Variants in GRM4 observed in about 807,000 individuals in gnomAD.
The protein encoded by GRM4 is metabotropic glutamate receptor 4.
GRM4 carries 28 observed loss-of-function variants against 81.7 expected under a neutral mutation model. The observed-to-expected ratio is 0.34, with a 90% confidence interval of 0.25 to 0.47. GRM4 has a LOEUF of 0.47. GRM4 is among the 20% of genes least tolerant of loss of function. The pLI is 1.00. For missense variants in GRM4, 948 were observed against 1,290.0 expected (o/e 0.73, Z 4.06); for synonymous variants, 488 against 528.8 (o/e 0.92, Z 1.06).
intron 3 of GRM4, among the ~76,000 whole-genome samples, chr6:34,067,303 TC>T (rs970993841): frequency 5.3e-5 from 8 of 152,108 alleles, no homozygotes; most frequent in Non-Finnish European, 8.8e-5. Context: ...CCGCTGCACT[TC>T]CCAAGGTCAG....
chr6:34,114,126 C>T lies in GRM4; in HGVS notation c.519+18852G>A, dbSNP rs1443992572. 6.6e-6 allele frequency among the ~76,000 whole-genome samples: 1 copy of T among 152,192 alleles called. No homozygotes were observed. The highest frequency in any genetic ancestry group is 1.5e-5 in the Non-Finnish European group (1 of 68,034). On this transcript the variant is annotated intron_variant, in intron 2 of 10. Transcript: ENST00000538487. The surrounding 1 kb of genome is among the most constrained non-coding windows in gnomAD (Gnocchi z 4.3). ...GTGTACAAGAGCCCTTCCCCTCCTT[C>T]ACAACTCTCTAGCCCCTGGCCCTGG...
intron 2 of GRM4, among the ~76,000 whole-genome samples, chr6:34,094,045 A>C (rs943021832): frequency 2.0e-5 from 3 of 152,216 alleles, no homozygotes; most frequent in Non-Finnish European, 4.4e-5. Context: ...CAGCCAGATG[A>C]GGAATATTAC....
At position 34,040,606 on chromosome 6, in the gene GRM4, G is replaced by A. The variant is rs767129957; in HGVS notation, c.1311C>T (p.Arg437=). 2 of 1,614,126 alleles carry A rather than the reference G, an allele frequency of 1.2e-6. No individual in the cohort carries two copies. The highest frequency in any genetic ancestry group is 1.7e-6 in the Non-Finnish European group (2 of 1,179,980). ...LCPGRVGLCP[R]MDPVDGTQLL... is the part of the protein sequence containing the mutation. ...GCTGGGTGCCATCTACAGGGTCCAT[G>A]CGCGGGCAGAGCCCCACGCGGCCGG... Residue 437 remains arginine (R), a synonymous_variant, in exon 7 of 11, where the codon CGC becomes CGT. Coordinates refer to ENST00000538487, the MANE Select transcript of GRM4 (RefSeq NM_000841.4).
At chr6:34,110,665 A>G (rs979936207) in intron 2 of GRM4, 3 of 1,448,582 alleles carry the variant, frequency 2.1e-6, no homozygotes, top group African/African-American at 2.8e-5. Flanking sequence ...CCCACCTTAC[A>G]TGACATGTCT....
intron 10 of GRM4, chr6:34,024,688 G>C (rs1764046126): frequency 2.2e-6 from 1 of 455,932 alleles, no homozygotes; most frequent in Non-Finnish European, 4.4e-6. Flanking sequence ...GCCAGAGTTG[G>C]GTGGAGTCAG....
At chr6:34,116,839 T>C (rs992830059) in intron 2 of GRM4, among the ~76,000 whole-genome samples, 6 of 151,996 alleles carry the variant, frequency 3.9e-5, no homozygotes, top group South Asian at 2.1e-4. Flanking sequence ...TACAGAGCAA[T>C]AGAAGTGAGC....
exon 1 of GRM4, chr6:34,155,129 G>A (rs1771123696): frequency 1.2e-5 from 18 of 1,534,018 alleles, no homozygotes; most frequent in African/African-American, 1.4e-5. Context: ...TCTATTTCAG[G>A]GCTGCTTCCC....
At chr6:34,061,858 C>A in intron 4 of GRM4, 35 bp downstream of exon 4, 6 of 1,594,940 alleles carry the variant, frequency 3.8e-6, no homozygotes, top group Non-Finnish European at 4.3e-6. Context: ...ACCTGCATGG[C>A]TCCCGGTGCC....
intron 2 of GRM4, among the ~76,000 whole-genome samples, chr6:34,105,515 C>A (rs147765886): frequency 1.3e-5 from 2 of 152,274 alleles, no homozygotes; most frequent in Non-Finnish European, 2.9e-5. Flanking sequence ...CCCCTCCTTC[C>A]TCTCAGCTTC....
chr6:34,088,357 C>T (rs988111827), intron 3 of GRM4, among the ~76,000 whole-genome samples: 3 of 152,134 alleles, frequency 2.0e-5, no homozygotes, highest in Non-Finnish European at 4.4e-5. Context: ...CTCCTGACCT[C>T]GTGATCCGCC....
At chr6:34,023,506 C>T (rs981286884) in intron 10 of GRM4, among the ~76,000 whole-genome samples, 1 of 152,068 alleles carries the variant, frequency 6.6e-6, no homozygotes, top group African/African-American at 2.4e-5. Context: ...CAGCCCTCCG[C>T]CCTACACCCA....
chr6:34,108,213 T>G (rs1181332730), intron 2 of GRM4, among the ~76,000 whole-genome samples: 2 of 152,242 alleles, frequency 1.3e-5, no homozygotes, highest in Non-Finnish European at 2.9e-5. Context: ...ACTCACCGCA[T>G]GACCTCAAAC....
intron 1 of GRM4, among the ~76,000 whole-genome samples, chr6:34,153,387 C>T (rs564232055): frequency 6.6e-6 from 1 of 152,244 alleles, no homozygotes; most frequent in Non-Finnish European, 1.5e-5. Flanking sequence ...CCCCACACTC[C>T]GGGCATCTCC....
rs1395792355 is a variant in GRM4, at chr6:34,069,074, CA to C, written c.737-7047del. On this transcript the variant is annotated intron_variant, in intron 3 of 10. Transcript: ENST00000538487. This position sits in a 1 kb window ranked among gnomAD's most constrained non-coding sequence, Gnocchi z 6.4. The stretch of plus-strand genomic sequence containing the variant: ...GGGGGTGGGGAGTTACACACAGGGA[CA>C]GGGGCAGGAGAGCAGGTCCCCCCGG... Among the ~76,000 whole-genome samples, 49 of 151,908 alleles carry C rather than the reference CA, an allele frequency of 3.2e-4. 1 individual carries two copies. Among genetic ancestry groups the C allele is most frequent in the African/African-American group, 1.1e-3 (47 of 41,430 alleles).
At chr6:34,030,459 C>T (rs1022755740) in intron 9 of GRM4, among the ~76,000 whole-genome samples, 18 of 152,318 alleles carry the variant, frequency 1.2e-4, no homozygotes, top group African/African-American at 4.1e-4. Flanking sequence ...GGCAGAGGAA[C>T]CCTTGCAGTG....
chr6:34,086,010 G>C (rs139032373), intron 3 of GRM4, among the ~76,000 whole-genome samples: 2,763 of 152,322 alleles, frequency 0.018, 34 homozygotes, highest in Non-Finnish European at 0.029. Context: ...GGAGCTGCAA[G>C]ATAGCTGCTG....
chr6:34,102,195 C>T (rs1207046537), intron 2 of GRM4: 1 of 1,520,408 alleles, frequency 6.6e-7, no homozygotes, highest in East Asian at 2.5e-5. Context: ...TCCCCACTTC[C>T]TGCAAAATTC....
chr6:34,035,669 T>G lies in GRM4; in HGVS notation c.2441A>C (p.Lys814Thr). The G allele has an allele frequency of 9.6e-5, 90 of 936,176 alleles. No individual in the cohort carries two copies. Among genetic ancestry groups the G allele is most frequent in the Middle Eastern group, 2.5e-4 (1 of 3,946 alleles). The allele number at this position is 936,176 out of a possible 1,614,324, so 58.0% of individuals were successfully genotyped here. ...IFFGTSQSAD[K>T]LYIQTTTLTV... ...CCACCCCCGGCCCCCACCACTCACC[T>G]TGTCGGCCGACTGCGAGGTGCCAAA... The change falls in exon 9 of 11, where the codon AAG (lysine) becomes ACG (threonine). Residue 814 changes from lysine (K) to threonine (T), a missense_variant and splice_region_variant. Lys to Thr is a moderately conservative substitution (Grantham distance 78, BLOSUM62 -1). Transcript: ENST00000538487. This position sits in a 1 kb window ranked among gnomAD's most constrained non-coding sequence, Gnocchi z 6.6.
Position 34,101,893 on chromosome 6 carries a change from G to C in GRM4, c.520-9794C>G. ...ATTAGGATCACCAACCCCACACGAG[G>C]CTGCCAGAGAGTGATCTCGTGGCCC... On this transcript the variant is annotated intron_variant, in intron 2 of 10. Coordinates refer to ENST00000538487, the MANE Select transcript of GRM4 (RefSeq NM_000841.4). The C allele has an allele frequency of 5.3e-6, 4 of 749,274 alleles. No homozygotes were observed. In the South Asian group the frequency reaches 7.5e-5, roughly 14 times the overall value. The allele number at this position is 749,274 out of a possible 1,614,324, so 46.4% of individuals were successfully genotyped here. A position where few individuals can be genotyped will look rare whatever the true frequency, so the allele number is the denominator to read the frequency against.
Sources: allele counts gnomAD v4.1 joint callset (sites outside exome capture counted in the v4.1 genomes callset), GRCh38; gene constraint gnomAD v4.1.1; non-coding constraint Gnocchi (gnomAD v3.1); transcripts MANE v1.5; gene names NCBI Gene and HGNC (gene_info 2026-07-23, HGNC 2026-07-21).